TMEM108: variants seen among roughly 807,000 people sequenced by gnomAD.
TMEM108 encodes the protein cancer/testis antigen 124.
TMEM108 carries 12 observed loss-of-function variants against 35.1 expected under a neutral mutation model. The ratio of observed to expected loss-of-function variants is 0.34; its 90% CI spans 0.22 to 0.55. The LOEUF is 0.55. Ranked by LOEUF, TMEM108 falls within the 20% of genes least tolerant of loss-of-function variation. TMEM108 has a pLI of 0.89. For synonymous variants in TMEM108, 287 were observed against 308.6 expected, an observed-to-expected ratio of 0.93 and a Z score of 0.73; for missense variants, 680 against 753.3, an observed-to-expected ratio of 0.90 and a Z score of 1.14.
intron 2 of TMEM108, among the ~76,000 whole-genome samples, chr3:133,227,224 T>A (rs1400449979): frequency 7.7e-6 from 1 of 130,460 alleles, no homozygotes; most frequent in African/African-American, 2.9e-5. Context: ...AGACAGAGTC[T>A]CGCTGTCGCC....
intron 5 of TMEM108, among the ~76,000 whole-genome samples, chr3:133,392,514 T>C (rs2073249564): frequency 6.6e-6 from 1 of 152,146 alleles, no homozygotes; most frequent in Non-Finnish European, 1.5e-5. Context: ...ATCTCTGCAC[T>C]AGAGAGTCCA....
chr3:133,318,646 A>G (rs2071226996), intron 3 of TMEM108, among the ~76,000 whole-genome samples: 2 of 152,226 alleles, frequency 1.3e-5, no homozygotes, highest in Non-Finnish European at 1.5e-5. Context: ...GACAGTATAC[A>G]GGACAAATGA....
At chr3:133,202,750 T>G (rs1405365121) in intron 2 of TMEM108, among the ~76,000 whole-genome samples, 1 of 152,220 alleles carries the variant, frequency 6.6e-6, no homozygotes, top group African/African-American at 2.4e-5. Flanking sequence ...TTATTCTTTT[T>G]GCTTAGGATT....
chr3:133,091,813 A>G (rs1359532620), intron 2 of TMEM108, among the ~76,000 whole-genome samples: 1 of 152,172 alleles, frequency 6.6e-6, no homozygotes, highest in East Asian at 1.9e-4. Flanking sequence ...AAGGCAGAAA[A>G]TGAACTGATG....
At chr3:133,255,495 TAAG>T (rs1180449944) in intron 3 of TMEM108, among the ~76,000 whole-genome samples, 1 of 151,588 alleles carries the variant, frequency 6.6e-6, no homozygotes, top group African/African-American at 2.4e-5. Context: ...TATGGAGAAA[TAAG>T]AAAGTAAAAA....
intron 2 of TMEM108, among the ~76,000 whole-genome samples, chr3:133,049,862 T>C (rs1388278980): frequency 2.0e-5 from 3 of 152,018 alleles, no homozygotes; most frequent in Non-Finnish European, 4.4e-5. Flanking sequence ...CCAGCTTGGC[T>C]CAAAAAAAGT....
At chr3:133,239,837 G>T (rs1310678102) in intron 3 of TMEM108, among the ~76,000 whole-genome samples, 1 of 152,194 alleles carries the variant, frequency 6.6e-6, no homozygotes, top group Non-Finnish European at 1.5e-5. Flanking sequence ...ACCAGGATCA[G>T]TTAGGAAGGA....
Position 133,385,158 on chromosome 3 carries a change from C to T in TMEM108, c.1450+3997C>T, listed in dbSNP as rs148481245. 4.1e-3 allele frequency among the ~76,000 whole-genome samples: 625 copies of T among 152,268 alleles called. 6 individuals carry two copies. The highest frequency in any genetic ancestry group is 0.014 in the African/African-American group (570 of 41,560). The stretch of plus-strand genomic sequence containing the variant: ...TTTATAATTATTATATAAGAAAACC[C>T]GGGTGAGAATGACTCTTGCCAATGA... On this transcript the variant is annotated intron_variant, in intron 4 of 5. Coordinates refer to ENST00000321871, the MANE Select transcript of TMEM108 (RefSeq NM_023943.4).
chr3:133,254,635 A>G (rs1211932918), intron 3 of TMEM108, among the ~76,000 whole-genome samples: 1 of 152,214 alleles, frequency 6.6e-6, no homozygotes, highest in African/African-American at 2.4e-5. Context: ...AAAGAGATTG[A>G]TGATTGATTG....
intron 5 of TMEM108, among the ~76,000 whole-genome samples, chr3:133,392,906 C>G (rs1432087578): frequency 6.6e-6 from 1 of 152,234 alleles, no homozygotes; most frequent in Non-Finnish European, 1.5e-5. Flanking sequence ...GCCCTCTGCA[C>G]AAGAGCCAGA....
intron 3 of TMEM108, among the ~76,000 whole-genome samples, chr3:133,319,119 C>T (rs62279041): frequency 6.6e-6 from 1 of 152,098 alleles, no homozygotes; most frequent in African/African-American, 2.4e-5. Flanking sequence ...ACCCTAATCC[C>T]CTCTGGAACA....
intron 2 of TMEM108, among the ~76,000 whole-genome samples, chr3:133,199,408 C>G (rs1473247170): frequency 6.6e-6 from 1 of 152,168 alleles, no homozygotes; most frequent in Non-Finnish European, 1.5e-5. Context: ...TTCTCCCCAT[C>G]TTTGTGGTTT....
Position 133,054,256 on chromosome 3 carries a change from G to A in TMEM108, c.-47+8236G>A, listed in dbSNP as rs578173775. Among the ~76,000 whole-genome samples the A allele has an allele frequency of 2.0e-5, 3 of 152,340 alleles. No homozygotes were observed. In the South Asian group the frequency reaches 6.2e-4, roughly 32 times the overall value. On this transcript the variant is annotated intron_variant, in intron 2 of 5. Transcript: ENST00000321871. ...CATGTTTAGTAGCAATTGTGAAAAA[G>A]CATGAATCTGTTTTTTTGAGAAGTC...
At chr3:133,310,095 G>A (rs1268467256) in intron 3 of TMEM108, among the ~76,000 whole-genome samples, 1 of 152,130 alleles carries the variant, frequency 6.6e-6, no homozygotes, top group African/African-American at 2.4e-5. Context: ...TTGCTGAGGA[G>A]TTCTTTTATA....
intron 4 of TMEM108, chr3:133,387,655 T>A: frequency 2.8e-6 from 2 of 722,732 alleles, no homozygotes; most frequent in Non-Finnish European, 3.4e-6. Flanking sequence ...AATAAGAATG[T>A]AGGCTGGGGG....
chr3:133,274,561 C>A (rs986941197), intron 3 of TMEM108, among the ~76,000 whole-genome samples: 5 of 152,200 alleles, frequency 3.3e-5, no homozygotes, highest in African/African-American at 1.2e-4. Context: ...TTTTGTCCCC[C>A]AAAGTGTTTC....
intron 2 of TMEM108, among the ~76,000 whole-genome samples, chr3:133,094,421 C>T (rs1405555699): frequency 6.6e-6 from 1 of 152,092 alleles, no homozygotes; most frequent in Admixed American, 6.6e-5. Flanking sequence ...GGACTTAGGT[C>T]ACAGAATCTT....
At chr3:133,391,602 C>T (rs1037028882) in intron 5 of TMEM108, among the ~76,000 whole-genome samples, 3 of 152,142 alleles carry the variant, frequency 2.0e-5, no homozygotes, top group Non-Finnish European at 4.4e-5. Flanking sequence ...TTGCTAAGCT[C>T]CAGCCACACT....
intron 2 of TMEM108, among the ~76,000 whole-genome samples, chr3:133,069,177 T>C (rs938778673): frequency 6.6e-6 from 1 of 152,196 alleles, no homozygotes; most frequent in Non-Finnish European, 1.5e-5. Context: ...AGCCGATGGC[T>C]CTGGTTTAGA....
Sources: allele counts gnomAD v4.1 joint callset (sites outside exome capture counted in the v4.1 genomes callset), GRCh38; gene constraint gnomAD v4.1.1; transcripts MANE v1.5; gene names NCBI Gene and HGNC (gene_info 2026-07-23, HGNC 2026-07-21).